The following ERBB4 variants were observed in gnomAD, a reference collection of about 807,000 sequenced individuals.
ERBB4 encodes receptor tyrosine-protein kinase erbB-4.
Under a neutral mutation model 158.0 loss-of-function variants are expected in ERBB4, and 42 were observed. The ratio of observed to expected loss-of-function variants is 0.27; its 90% CI spans 0.21 to 0.34. The LOEUF (loss-of-function observed/expected upper bound fraction) is 0.34. ERBB4 is among the 10% of genes least tolerant of loss of function. The probability of loss-of-function intolerance (pLI) is 1.00; values close to 1 mark genes in which losing one functional copy is unlikely to be tolerated. For missense variants in ERBB4, 1,333 were observed against 1,624.1 expected (o/e 0.82, Z 3.08); for synonymous variants, 583 against 558.7 (o/e 1.04, Z -0.61).
intron 19 of ERBB4, among the ~76,000 whole-genome samples, chr2:211,595,871 G>T (rs10932388): frequency 0.76 from 115,711 of 151,852 alleles, 47,127 homozygotes; most frequent in Non-Finnish European, 0.9. Context: ...GTGTATTTTG[G>T]TATCTGCAGA....
chr2:212,121,440 T>C (rs923438859), intron 2 of ERBB4, among the ~76,000 whole-genome samples: 1 of 152,186 alleles, frequency 6.6e-6, no homozygotes, highest in Non-Finnish European at 1.5e-5. Context: ...CTCAAACTCC[T>C]CAAGTGATCT....
chr2:211,772,951 A>ATT lies in ERBB4; in HGVS notation c.556+15073_556+15074insAA, dbSNP rs1454332286. On this transcript the variant is annotated intron_variant, in intron 4 of 27. Transcript: ENST00000342788. Reference sequence around the variant, plus strand: ...TATATATATATATATATATATATATATATATTTTTTTTTTTAAAGATGGGG... The same window carrying ATT: ...TATATATATATATATATATATATATATTTATATTTTTTTTTTTAAAGATGGGG... Among the ~76,000 whole-genome samples, 80 of 71,804 alleles carry ATT rather than the reference A, an allele frequency of 1.1e-3. 2 individuals are homozygous for ATT. The highest frequency in any genetic ancestry group is 3.0e-3 in the South Asian group (5 of 1,648). The allele number at this position is 71,804 out of a possible 152,430, so 47.1% of individuals were successfully genotyped here.
At chr2:212,056,149 G>A (rs959411785) in intron 2 of ERBB4, among the ~76,000 whole-genome samples, 7 of 152,200 alleles carry the variant, frequency 4.6e-5, no homozygotes, top group African/African-American at 7.2e-5. Context: ...TTCAGTAGCC[G>A]ATTTGATCAA....
chr2:212,256,278 T>C (rs973671943), intron 1 of ERBB4, among the ~76,000 whole-genome samples: 7 of 152,198 alleles, frequency 4.6e-5, no homozygotes. Context: ...TTTATGAACA[T>C]TAATTTTTAT....
At chr2:212,134,941 C>G (rs1307203308) in intron 1 of ERBB4, among the ~76,000 whole-genome samples, 2 of 152,100 alleles carry the variant, frequency 1.3e-5, no homozygotes, top group African/African-American at 4.8e-5. Context: ...CTGCCTCGGC[C>G]TCCCAAAGTG....
chr2:211,535,589 A>ATGTGTGTGTGTGTGTGTG (rs10636668), intron 20 of ERBB4: 30 of 144,834 alleles, frequency 2.1e-4, no homozygotes, highest in African/African-American at 7.5e-4. Context: ...GAGAGAGTGT[A>ATGTGTGTGTGTGTGTGTG]TGTGTGTGTG....
chr2:212,261,897 C>T (rs2084959498), intron 1 of ERBB4, among the ~76,000 whole-genome samples: 1 of 151,768 alleles, frequency 6.6e-6, no homozygotes, highest in Admixed American at 6.6e-5. Context: ...TGTGATGAAA[C>T]CTCTTTATAA....
At chr2:212,191,282 G>C (rs1455155788) in intron 1 of ERBB4, among the ~76,000 whole-genome samples, 1 of 151,976 alleles carries the variant, frequency 6.6e-6, no homozygotes, top group East Asian at 1.9e-4. Context: ...TGATGCTGAT[G>C]CTATTGGCCT....
intron 20 of ERBB4, among the ~76,000 whole-genome samples, chr2:211,433,373 A>C (rs894637351): frequency 7.2e-5 from 11 of 151,946 alleles, no homozygotes; most frequent in African/African-American, 2.4e-4. Flanking sequence ...CGAGGTCAGG[A>C]GATCGAGACC....
At chr2:211,993,162 TA>T (rs991714307) in intron 2 of ERBB4, among the ~76,000 whole-genome samples, 1 of 152,214 alleles carries the variant, frequency 6.6e-6, no homozygotes, top group African/African-American at 2.4e-5. Flanking sequence ...CCTTAGAATG[TA>T]ACTGTATACG....
intron 4 of ERBB4, among the ~76,000 whole-genome samples, chr2:211,784,812 A>G (rs1429702694): frequency 6.6e-6 from 1 of 151,944 alleles, no homozygotes; most frequent in Non-Finnish European, 1.5e-5. Context: ...ACAATATCTT[A>G]TTGTGGTTTT....
chr2:212,092,893 G>T (rs7566735), intron 2 of ERBB4, among the ~76,000 whole-genome samples: 1 of 152,212 alleles, frequency 6.6e-6, no homozygotes, highest in African/African-American at 2.4e-5. Flanking sequence ...AACCAACGTG[G>T]CACGTGTATA....
intron 2 of ERBB4, among the ~76,000 whole-genome samples, chr2:212,011,753 GA>G (rs796450348): frequency 0.028 from 2,942 of 105,290 alleles, 21 homozygotes; most frequent in Non-Finnish European, 0.032. Context: ...CTGTCTCAAA[GA>G]AAAAAAAAAA....
intron 1 of ERBB4, among the ~76,000 whole-genome samples, chr2:212,367,132 C>A (rs1029034580): frequency 6.6e-6 from 1 of 151,992 alleles, no homozygotes. Flanking sequence ...CATGTGTGGA[C>A]ACAGTGTAAA....
intron 1 of ERBB4, among the ~76,000 whole-genome samples, chr2:212,271,615 A>G (rs763631363): frequency 9.9e-5 from 15 of 151,820 alleles, no homozygotes; most frequent in Non-Finnish European, 1.9e-4. Flanking sequence ...ACCTTCTAAA[A>G]TGATTTTTGT....
At chr2:212,222,269 CA>C (rs1158822540) in intron 1 of ERBB4, among the ~76,000 whole-genome samples, 1 of 151,490 alleles carries the variant, frequency 6.6e-6, no homozygotes, top group Non-Finnish European at 1.5e-5. Flanking sequence ...GGTTAATGGT[CA>C]AAATCAGCAG....
chr2:211,462,959 A>T (rs1243755411), intron 20 of ERBB4, among the ~76,000 whole-genome samples: 1 of 152,218 alleles, frequency 6.6e-6, no homozygotes, highest in East Asian at 1.9e-4. Context: ...TAAATCTGAT[A>T]GAAAGCAGTT....
chr2:211,538,232 C>A (rs566221439), intron 20 of ERBB4, among the ~76,000 whole-genome samples: 1 of 145,358 alleles, frequency 6.9e-6, no homozygotes, highest in South Asian at 2.1e-4. Context: ...CAATACTTCA[C>A]GCAGGAGATG....
At chr2:211,536,531 C>T (rs114859081) in intron 20 of ERBB4, among the ~76,000 whole-genome samples, 1,725 of 151,982 alleles carry the variant, frequency 0.011, 21 homozygotes, top group Non-Finnish European at 0.019. Context: ...CCAGAGATGC[C>T]TGAGCGAATG....
Sources: gnomAD v4.1 joint callset for allele counts (sites outside exome capture counted in the v4.1 genomes callset) on GRCh38, gnomAD v4.1.1 for gene constraint, MANE v1.5 for transcripts, NCBI Gene and HGNC (gene_info 2026-07-23, HGNC 2026-07-21) for gene names.